CAST: variants seen among roughly 807,000 people sequenced by gnomAD.
The protein encoded by CAST is MIR583 host.
A neutral mutation model predicts 119.6 loss-of-function variants in CAST; 76 were observed. The observed-to-expected ratio is 0.64, with a 90% CI of 0.53 to 0.77. CAST has a LOEUF of 0.77. CAST is among the 30% of genes least tolerant of loss of function. The probability of loss-of-function intolerance (pLI) is 0.00; values close to 1 mark genes in which losing one functional copy is unlikely to be tolerated. For missense variants in CAST, 953 were observed against 946.5 expected, an observed-to-expected ratio of 1.01 and a Z score of -0.09; for synonymous variants, 319 against 331.6, an observed-to-expected ratio of 0.96 and a Z score of 0.41.
At chr5:96,002,899 T>C in the CAST span, among the ~76,000 whole-genome samples, 1 of 152,234 alleles carries the variant, frequency 6.6e-6, no homozygotes, top group African/African-American at 2.4e-5. Flanking sequence ...TATGGTAATA[T>C]ACTACCTTTT....
chr5:96,058,807 G>A, the CAST span, among the ~76,000 whole-genome samples: 2,223 of 152,208 alleles, frequency 0.015, 45 homozygotes, highest in African/African-American at 0.05. Context: ...CAAAAAAGCC[G>A]AAGTGTGAAA....
the CAST span, among the ~76,000 whole-genome samples, chr5:96,480,348 AATT>A: frequency 6.6e-6 from 1 of 152,198 alleles, no homozygotes. Flanking sequence ...ATCTGTTTTG[AATT>A]ATTATGAATA....
At chr5:96,035,564 T>C in the CAST span, among the ~76,000 whole-genome samples, 1,488 of 152,084 alleles carry the variant, frequency 9.8e-3, 10 homozygotes, top group Middle Eastern at 0.02. Context: ...TAGAAAATAC[T>C]ACATCTGGTG....
At chr5:96,235,651 A>G in the CAST span, among the ~76,000 whole-genome samples, 1 of 152,124 alleles carries the variant, frequency 6.6e-6, no homozygotes, top group African/African-American at 2.4e-5. Context: ...TTTGTAGCTA[A>G]TTAAGGTCAA....
At chr5:96,022,720 G>C in the CAST span, among the ~76,000 whole-genome samples, 1 of 152,160 alleles carries the variant, frequency 6.6e-6, no homozygotes, top group Admixed American at 6.5e-5. Flanking sequence ...TTAGTTTAAA[G>C]AATTGACTTC....
At chr5:96,402,712 C>T in the CAST span, among the ~76,000 whole-genome samples, 1 of 152,120 alleles carries the variant, frequency 6.6e-6, no homozygotes, top group Non-Finnish European at 1.5e-5. Context: ...ACTAAAGGCT[C>T]AATGCTTTCA....
chr5:96,400,404 CT>C, the CAST span, among the ~76,000 whole-genome samples: 1 of 152,212 alleles, frequency 6.6e-6, no homozygotes, highest in Non-Finnish European at 1.5e-5. Flanking sequence ...GTTATGACTT[CT>C]CTCCAGAGCA....
the CAST span, among the ~76,000 whole-genome samples, chr5:96,445,449 A>T: frequency 6.6e-6 from 1 of 152,132 alleles, no homozygotes; most frequent in Admixed American, 6.5e-5. Context: ...AAAGAACTGG[A>T]CTCATTGCCC....
chr5:96,515,435 C>T, the CAST span, among the ~76,000 whole-genome samples: 1 of 151,982 alleles, frequency 6.6e-6, no homozygotes, highest in Admixed American at 6.6e-5. Context: ...GGCAGCTACA[C>T]AGTGTGAGTG....
At chr5:96,725,594 A>G (rs1402355195) in intron 4 of CAST, among the ~76,000 whole-genome samples, 3 of 152,344 alleles carry the variant, frequency 2.0e-5, no homozygotes, top group African/African-American at 4.8e-5. Context: ...TATTATGGTC[A>G]TCATTATTAT....
chr5:96,434,803 A>T, the CAST span, among the ~76,000 whole-genome samples: 17 of 152,198 alleles, frequency 1.1e-4, no homozygotes, highest in Admixed American at 1.1e-3. Context: ...CTGTAGTGCT[A>T]ATTTTTCATT....
At chr5:96,227,569 T>G in the CAST span, among the ~76,000 whole-genome samples, 1 of 152,168 alleles carries the variant, frequency 6.6e-6, no homozygotes, top group Non-Finnish European at 1.5e-5. Flanking sequence ...TTCAGAATCC[T>G]GGATGGAGGA....
chr5:96,747,345 G>A lies in CAST; in HGVS notation c.1285G>A (p.Asp429Asn). The part of the protein sequence containing the change: ...PSEYRLKPAT[D>N]KDGKPLLPEP... ...CAATGAATTTTAATTTCATTTACAGGATAAAGATGGAAAACCACTATTGCC... is the reference window on the plus strand; with the variant it reads ...CAATGAATTTTAATTTCATTTACAGAATAAAGATGGAAAACCACTATTGCC... Residue 429 changes from aspartate to asparagine, a missense_variant and splice_region_variant, in exon 18 of 32, where the codon GAT becomes AAT. By Grantham distance (23) the Asp-to-Asn change is conservative. Coordinates refer to ENST00000675179, the MANE Select transcript of CAST (RefSeq NM_001750.7). The A allele has an allele frequency of 6.3e-7, 1 of 1,591,352 alleles. No homozygotes were observed. Among genetic ancestry groups the A allele is most frequent in the Non-Finnish European group, 8.6e-7 (1 of 1,161,432 alleles).
the CAST span, among the ~76,000 whole-genome samples, chr5:96,413,145 AG>A: frequency 6.6e-6 from 1 of 152,242 alleles, no homozygotes; most frequent in Non-Finnish European, 1.5e-5. Flanking sequence ...GTGTTTGCTA[AG>A]AAACATTTTC....
At chr5:96,534,769 G>T (rs1580813782) in intron 1 of CAST, among the ~76,000 whole-genome samples, 1 of 110,356 alleles carries the variant, frequency 9.1e-6, no homozygotes, top group Non-Finnish European at 1.9e-5. Flanking sequence ...AAGAAAGAAA[G>T]AAAGAAAGAA....
At chr5:96,712,629 A>G (rs1756399784) in intron 3 of CAST, among the ~76,000 whole-genome samples, 1 of 152,208 alleles carries the variant, frequency 6.6e-6, no homozygotes, top group Non-Finnish European at 1.5e-5. Flanking sequence ...GTGCCCAGCG[A>G]CCATCTCTTT....
the CAST span, among the ~76,000 whole-genome samples, chr5:96,146,008 C>CT: frequency 1.3e-5 from 2 of 152,192 alleles, no homozygotes; most frequent in African/African-American, 4.8e-5. Context: ...TGCCAGTCCT[C>CT]TTAAAGTCTA....
the CAST span, among the ~76,000 whole-genome samples, chr5:96,169,741 G>C: frequency 1.1e-4 from 17 of 152,158 alleles, no homozygotes; most frequent in African/African-American, 3.1e-4. Flanking sequence ...GTTTAAGTTG[G>C]GGAGATACAA....
chr5:96,425,125 G>C, the CAST span, among the ~76,000 whole-genome samples: 1 of 152,052 alleles, frequency 6.6e-6, no homozygotes. Flanking sequence ...TATGCAACAA[G>C]AGTATCAAAG....
Sources: allele counts gnomAD v4.1 joint callset (sites outside exome capture counted in the v4.1 genomes callset), GRCh38; gene constraint gnomAD v4.1.1; transcripts MANE v1.5; gene names NCBI Gene and HGNC (gene_info 2026-07-23, HGNC 2026-07-21).